The following ITSN2 variants were observed in gnomAD, a reference collection of about 807,000 sequenced individuals.
ITSN2 encodes the protein intersectin 2, also known as intersectin-2.
Under a neutral mutation model 243.7 loss-of-function variants are expected in ITSN2, and 156 were observed. That is an observed-to-expected ratio of 0.64 (90% CI 0.56 to 0.73). The LOEUF is 0.73. ITSN2 is among the 30% of genes least tolerant of loss of function. The probability of loss-of-function intolerance (pLI) is 0.00; values close to 1 mark genes in which losing one functional copy is unlikely to be tolerated. For synonymous variants in ITSN2, 703 were observed against 699.9 expected, an observed-to-expected ratio of 1.00 and a Z score of -0.07; for missense variants, 1,801 against 1,996.1, an observed-to-expected ratio of 0.90 and a Z score of 1.86.
intron 4 of ITSN2, among the ~76,000 whole-genome samples, chr2:24,312,604 G>T (rs1485657106): frequency 6.6e-6 from 1 of 152,064 alleles, no homozygotes; most frequent in Non-Finnish European, 1.5e-5. Flanking sequence ...TGTCAAAACA[G>T]AATCTAGAGA....
At chr2:24,296,392 A>C (rs1225185702) in intron 13 of ITSN2, among the ~76,000 whole-genome samples, 1 of 152,194 alleles carries the variant, frequency 6.6e-6, no homozygotes, top group East Asian at 1.9e-4. Flanking sequence ...TGTGTCCCCC[A>C]AAATTCATAT....
At chr2:24,242,339 T>C (rs2151264332) in intron 29 of ITSN2, 1 of 152,654 alleles carries the variant, frequency 6.6e-6, no homozygotes, top group African/African-American at 2.4e-5. Flanking sequence ...TAAAAAAAGT[T>C]CTAATTATGT....
Position 24,210,782 on chromosome 2 carries a change from C to T in ITSN2, c.4255G>A (p.Glu1419Lys). The T allele has an allele frequency of 6.2e-7, 1 of 1,613,558 alleles. No homozygotes were observed. Residue 1419 changes from glutamate to lysine, a missense_variant and splice_region_variant, in exon 34 of 40, where the codon GAG (glutamate) becomes AAG (lysine). Physicochemically the swap from Glu to Lys is moderately conservative, Grantham distance 56. Coordinates refer to ENST00000355123, the MANE Select transcript of ITSN2 (RefSeq NM_006277.3). ...CGGCTTAACCACACAGGCCTGACCT[C>T]CGCGAGGCCTTCACACTGCACGTGC... ...QAHVQCEGLA[E>K]QLIFNSLTNC...
At chr2:24,286,429 C>A in intron 15 of ITSN2, 78 bp from the exon 16 acceptor site, 1 of 1,237,480 alleles carries the variant, frequency 8.1e-7, no homozygotes, top group South Asian at 1.2e-5. Flanking sequence ...ACTGTTTGGT[C>A]AGATTGATGT....
chr2:24,250,866 G>A lies in ITSN2; in HGVS notation c.3120+1479C>T, dbSNP rs913381935. On this transcript the variant is annotated intron_variant, in intron 25 of 39. Transcript: ENST00000355123. ...ATGTCACCGACTGAATACAGAAACAGACATGAGAAAGTAGCTGACTTAATT... is the reference window on the plus strand; with the variant it reads ...ATGTCACCGACTGAATACAGAAACAAACATGAGAAAGTAGCTGACTTAATT... Among the ~76,000 whole-genome samples, 9 of 152,122 alleles carry A rather than the reference G, an allele frequency of 5.9e-5. No individual in the cohort carries two copies. The East Asian group carries it at 1.5e-3, about 26-fold the overall frequency.
intron 29 of ITSN2, chr2:24,241,985 A>C (rs1366267692): frequency 6.6e-6 from 1 of 152,666 alleles, no homozygotes. Flanking sequence ...CAGCAGGGAA[A>C]GCCACACAAA....
intron 29 of ITSN2, among the ~76,000 whole-genome samples, chr2:24,223,824 G>GGA (rs1553344414): frequency 3.5e-5 from 5 of 142,860 alleles, no homozygotes; most frequent in Admixed American, 1.5e-4. Context: ...GGAAGGAAGG[G>GGA]AAAAAAAGGA....
At chr2:24,312,429 T>C in intron 4 of ITSN2, 54 bp from the exon 5 acceptor site, 1 of 1,358,390 alleles carries the variant, frequency 7.4e-7, no homozygotes, top group Non-Finnish European at 9.9e-7. Context: ...GTGGGAAAAC[T>C]AACGTTATTT....
intron 29 of ITSN2, chr2:24,221,307 A>G (rs149412526): frequency 4.2e-4 from 197 of 465,580 alleles, no homozygotes; most frequent in African/African-American, 3.7e-3. Context: ...ATGTGCTCCT[A>G]ATTTCTTTTC....
At position 24,271,810 on chromosome 2, in the gene ITSN2, T is replaced by C. The variant is rs1367455187; in HGVS notation, c.2213A>G (p.Lys738Arg). ...CAAAGTATCCTTATCCTTACGTTGT[T>C]TCTCCTCAGCTTTCCGTTCCTCTTC... ...IQEEERKAEE[K>R]QRKDKDTLKA... Residue 738 changes from lysine to arginine, a missense_variant, in exon 19 of 40, where the codon AAA becomes AGA. Around this residue, in one of 5 missense-constraint regions of ITSN2, gnomAD observed 787 missense variants for 803.9 expected, o/e 0.98. Transcript: ENST00000355123. 1.2e-6 allele frequency: 2 copies of C among 1,606,994 alleles called. No homozygotes were observed. The highest frequency in any genetic ancestry group is 3.4e-5 in the Admixed American group (2 of 58,690).
intron 2 of ITSN2, among the ~76,000 whole-genome samples, chr2:24,324,853 CAAAAAAAAAAA>C (rs10554094): frequency 1.0e-4 from 6 of 59,288 alleles, no homozygotes; most frequent in Admixed American, 2.2e-4. Context: ...GACCCTGTCT[CAAAAAAAAAAA>C]AAAAAAAAAA....
rs143617835 is a variant in ITSN2 at position 24,333,342 on chromosome 2, C to T, written c.-33-5227G>A. 2.0e-3 allele frequency among the ~76,000 whole-genome samples: 307 copies of T among 152,218 alleles called. 2 individuals carry two copies. Among genetic ancestry groups the T allele is most frequent in the African/African-American group, 7.3e-3 (305 of 41,524 alleles). ...AATCACATACATAAATTAGGGAGTGCTAATTGTTTCTTATCTCTTGGTATA... is the reference window on the plus strand; with the variant it reads ...AATCACATACATAAATTAGGGAGTGTTAATTGTTTCTTATCTCTTGGTATA... On this transcript the variant is annotated intron_variant, in intron 1 of 39. Coordinates refer to ENST00000355123, the MANE Select transcript of ITSN2 (RefSeq NM_006277.3).
rs189516558 is a variant in ITSN2 at position 24,225,282 on chromosome 2, T to G, written c.3578-4216A>C. On this transcript the variant is annotated intron_variant, in intron 29 of 39. Transcript: ENST00000355123. The surrounding 1 kb of genome is among the most constrained non-coding windows in gnomAD (Gnocchi z 4.2). ...AGCACACTTCTCCAACCCTGCCCCCTCCTCAGCACCGCCTGCCTTTGGTCT... is the reference window on the plus strand; with the variant it reads ...AGCACACTTCTCCAACCCTGCCCCCGCCTCAGCACCGCCTGCCTTTGGTCT... Among the ~76,000 whole-genome samples, 27 of 152,236 alleles carry G rather than the reference T, an allele frequency of 1.8e-4. No homozygotes were observed. In the East Asian group the frequency reaches 5.2e-3, roughly 29 times the overall value.
At position 24,211,025 on chromosome 2, in the gene ITSN2, T is replaced by G; in HGVS notation, c.4090-78A>C. On this transcript the variant is annotated intron_variant, in intron 33 of 39. Coordinates refer to ENST00000355123, the MANE Select transcript of ITSN2 (RefSeq NM_006277.3). This position sits in a 1 kb window ranked among gnomAD's most constrained non-coding sequence, Gnocchi z 4.1. ...ACCTGGACCTTCGCAGGACCGCTCC[T>G]CCAACCCCATGTTATGGACTGCTTC... The G allele has an allele frequency of 7.2e-7, 1 of 1,382,830 alleles. No individual in the cohort carries two copies. The allele number at this position is 1,382,830 out of a possible 1,614,324, so 85.7% of individuals were successfully genotyped here.
chr2:24,223,899 AAAG>A (rs1418193315), intron 29 of ITSN2, among the ~76,000 whole-genome samples: 2 of 151,748 alleles, frequency 1.3e-5, no homozygotes, highest in African/African-American at 4.8e-5. Context: ...AAAATAAAGA[AAAG>A]AAAGAAATAA....
At chr2:24,231,179 C>T (rs1051648607) in intron 29 of ITSN2, among the ~76,000 whole-genome samples, 6 of 152,208 alleles carry the variant, frequency 3.9e-5, no homozygotes, top group Non-Finnish European at 5.9e-5. Flanking sequence ...CATTCCTCTT[C>T]CCTGCTTCAT....
intron 37 of ITSN2, among the ~76,000 whole-genome samples, chr2:24,206,964 A>G (rs1668956758): frequency 6.6e-6 from 1 of 151,988 alleles, no homozygotes; most frequent in Non-Finnish European, 1.5e-5. Flanking sequence ...GGGAGCTCAC[A>G]TGGGAAGGCC....
At position 24,275,642 on chromosome 2, in the gene ITSN2, A is replaced by T. The variant is rs192952489; in HGVS notation, c.2081+71T>A. ...CTTTATTTTCCTTAAATTTTCATAAACTAAAGATATGAGCAACAAAATTAC... is the reference window on the plus strand; with the variant it reads ...CTTTATTTTCCTTAAATTTTCATAATCTAAAGATATGAGCAACAAAATTAC... On this transcript the variant is annotated intron_variant, in intron 18 of 39. Coordinates refer to ENST00000355123, the MANE Select transcript of ITSN2 (RefSeq NM_006277.3). 238 of 1,268,002 alleles carry T rather than the reference A, an allele frequency of 1.9e-4. No individual in the cohort carries two copies. In the African/African-American group the frequency reaches 2.7e-3, roughly 14 times the overall value. The allele number at this position is 1,268,002 out of a possible 1,614,324, so 78.5% of individuals were successfully genotyped here.
chr2:24,312,901 AT>A (rs1194700943), intron 4 of ITSN2, among the ~76,000 whole-genome samples: 1 of 152,164 alleles, frequency 6.6e-6, no homozygotes, highest in African/African-American at 2.4e-5. Context: ...AAACTACAAA[AT>A]AACAGAAAGA....
Sources: gnomAD v4.1 joint callset for allele counts (sites outside exome capture counted in the v4.1 genomes callset) on GRCh38, gnomAD v4.1.1 for gene constraint, gnomAD v4.1.1 regional missense constraint, Gnocchi (gnomAD v3.1) non-coding constraint, MANE v1.5 for transcripts, NCBI Gene and HGNC (gene_info 2026-07-23, HGNC 2026-07-21) for gene names.